The following PLCB1 variants were observed in gnomAD, a reference collection of about 807,000 sequenced individuals.
The protein encoded by PLCB1 is 1-phosphatidylinositol 4,5-bisphosphate phosphodiesterase beta-1.
In PLCB1, 46 loss-of-function variants were observed where a neutral mutation model predicts 161.8. The ratio of observed to expected loss-of-function variants is 0.28; its 90% CI spans 0.22 to 0.36. The LOEUF (loss-of-function observed/expected upper bound fraction) is 0.36, where lower values mean the gene tolerates loss of function less well. PLCB1 is among the 10% of genes least tolerant of loss of function. The pLI, the probability that PLCB1 is intolerant of heterozygous loss-of-function variation, is 1.00. For synonymous variants in PLCB1, 517 were observed against 503.7 expected (o/e 1.03, Z -0.35); for missense variants, 1,016 against 1,472.5 (o/e 0.69, Z 5.07).
At chr20:8,372,900 C>T (rs1294125445) in intron 3 of PLCB1, among the ~76,000 whole-genome samples, 1 of 152,164 alleles carries the variant, frequency 6.6e-6, no homozygotes, top group Admixed American at 6.5e-5. Flanking sequence ...GCATCAGAGC[C>T]CTGTTTGTCC....
chr20:8,453,957 C>T (rs1358084530), intron 3 of PLCB1, among the ~76,000 whole-genome samples: 1 of 152,084 alleles, frequency 6.6e-6, no homozygotes, highest in Non-Finnish European at 1.5e-5. Flanking sequence ...GGACTGATGT[C>T]CTTTTAAGAA....
intron 2 of PLCB1, among the ~76,000 whole-genome samples, chr20:8,158,165 A>G (rs1600205433): frequency 1.3e-5 from 2 of 152,252 alleles, no homozygotes; most frequent in East Asian, 3.8e-4. Context: ...CATATTGTTC[A>G]TAATTTTACT....
chr20:8,747,280 G>A (rs147974067), intron 23 of PLCB1, among the ~76,000 whole-genome samples: 43 of 152,258 alleles, frequency 2.8e-4, no homozygotes, highest in African/African-American at 9.9e-4. Flanking sequence ...GCATTGGCTG[G>A]CCAAAATACA....
intron 3 of PLCB1, among the ~76,000 whole-genome samples, chr20:8,404,720 C>T (rs772746660): frequency 2.6e-5 from 4 of 152,194 alleles, no homozygotes; most frequent in Middle Eastern, 3.4e-3. Flanking sequence ...CCCAGAAATA[C>T]TAGTATTTAC....
At chr20:8,553,051 G>A (rs538975042) in intron 3 of PLCB1, among the ~76,000 whole-genome samples, 25 of 152,046 alleles carry the variant, frequency 1.6e-4, no homozygotes, top group African/African-American at 5.8e-4. Flanking sequence ...TACATCCATC[G>A]CTGCATTATA....
intron 3 of PLCB1, among the ~76,000 whole-genome samples, chr20:8,600,391 T>G (rs973376988): frequency 4.6e-5 from 6 of 129,098 alleles, no homozygotes; most frequent in Non-Finnish European, 6.6e-5. Context: ...TGCTGGGGGG[T>G]GCCTCCCAGT....
At chr20:8,823,462 C>G (rs1160271027) in intron 31 of PLCB1, among the ~76,000 whole-genome samples, 2 of 152,206 alleles carry the variant, frequency 1.3e-5, no homozygotes, top group African/African-American at 4.8e-5. Context: ...AAATAAGGAA[C>G]TTGTGCATCC....
At chr20:8,638,791 A>G (rs1293642891) in intron 4 of PLCB1, among the ~76,000 whole-genome samples, 1 of 152,206 alleles carries the variant, frequency 6.6e-6, no homozygotes, top group Non-Finnish European at 1.5e-5. Flanking sequence ...CAAAAGCCCT[A>G]TGAAATAAAT....
At chr20:8,349,091 A>C (rs1986093040) in intron 2 of PLCB1, among the ~76,000 whole-genome samples, 1 of 152,184 alleles carries the variant, frequency 6.6e-6, no homozygotes, top group African/African-American at 2.4e-5. Flanking sequence ...ACACACATAT[A>C]CATATAACAA....
intron 3 of PLCB1, among the ~76,000 whole-genome samples, chr20:8,416,872 T>C (rs1436238874): frequency 6.6e-6 from 1 of 150,574 alleles, no homozygotes; most frequent in Admixed American, 6.7e-5. Flanking sequence ...ATGCTACGCA[T>C]AGTGCTTTTG....
intron 3 of PLCB1, among the ~76,000 whole-genome samples, chr20:8,619,338 G>T (rs1468763303): frequency 1.3e-5 from 2 of 151,818 alleles, no homozygotes; most frequent in Non-Finnish European, 2.9e-5. Context: ...AGAATTGCTT[G>T]AATCCGGGAG....
chr20:8,535,202 C>CAAAAAAAAAAAAAA (rs11323420), intron 3 of PLCB1, among the ~76,000 whole-genome samples: 1 of 52,796 alleles, frequency 1.9e-5, no homozygotes, highest in Non-Finnish European at 3.5e-5. Context: ...AGTTTATGGG[C>CAAAAAAAAAAAAAA]AAAAAAAAAA....
At chr20:8,850,038 C>T (rs891537949) in intron 31 of PLCB1, among the ~76,000 whole-genome samples, 8 of 152,190 alleles carry the variant, frequency 5.3e-5, no homozygotes, top group Admixed American at 3.9e-4. Context: ...CGAAGCAGCC[C>T]GGCCCTAGAA....
chr20:8,314,731 C>T (rs1014630619), intron 2 of PLCB1, among the ~76,000 whole-genome samples: 1 of 152,040 alleles, frequency 6.6e-6, no homozygotes, highest in African/African-American at 2.4e-5. Context: ...GTAAAACATA[C>T]CTTTAAAGTT....
chr20:8,513,859 TTAAAAA>T (rs1340580897), intron 3 of PLCB1, among the ~76,000 whole-genome samples: 1 of 148,818 alleles, frequency 6.7e-6, no homozygotes, highest in Non-Finnish European at 1.5e-5. Context: ...AAAAAAAAAG[TTAAAAA>T]TAACAACAAA....
chr20:8,481,996 A>G (rs1982518108), intron 3 of PLCB1, among the ~76,000 whole-genome samples: 7 of 151,994 alleles, frequency 4.6e-5, no homozygotes, highest in Admixed American at 4.6e-4. Flanking sequence ...TTTCATGAAC[A>G]TTCGCAGCTT....
intron 9 of PLCB1, among the ~76,000 whole-genome samples, chr20:8,660,118 G>A (rs1430989600): frequency 6.6e-6 from 1 of 151,886 alleles, no homozygotes; most frequent in Admixed American, 6.6e-5. Context: ...TGTTTTCTTG[G>A]TGAAGAACTT....
At chr20:8,813,735 G>A (rs1388845855) in intron 31 of PLCB1, among the ~76,000 whole-genome samples, 1 of 152,156 alleles carries the variant, frequency 6.6e-6, no homozygotes, top group Non-Finnish European at 1.5e-5. Context: ...GGAGGCTGAG[G>A]CGGGAGGATC....
At chr20:8,383,809 G>T (rs192310192) in intron 3 of PLCB1, among the ~76,000 whole-genome samples, 2 of 152,224 alleles carry the variant, frequency 1.3e-5, no homozygotes, top group Admixed American at 1.3e-4. Context: ...TGAAATTCTG[G>T]GTTGAAAAGT....
Sources: allele counts gnomAD v4.1 joint callset (sites outside exome capture counted in the v4.1 genomes callset), GRCh38; gene constraint gnomAD v4.1.1; transcripts MANE v1.5; gene names NCBI Gene and HGNC (gene_info 2026-07-23, HGNC 2026-07-21).